Variants in CASP9 observed in about 807,000 individuals in gnomAD.
The protein encoded by CASP9 is caspase 9.
CASP9 carries 29 observed loss-of-function variants against 43.5 expected under a neutral mutation model. That is an observed-to-expected ratio of 0.67 (90% CI 0.50 to 0.91). CASP9 has a LOEUF of 0.91. CASP9 is among the 40% of genes least tolerant of loss of function. The pLI, the probability that CASP9 is intolerant of heterozygous loss-of-function variation, is 0.00. For synonymous variants in CASP9, 206 were observed against 211.9 expected, an observed-to-expected ratio of 0.97 and a Z score of 0.24; for missense variants, 575 against 537.4, an observed-to-expected ratio of 1.07 and a Z score of -0.69.
Position 15,504,727 on chromosome 1 carries a change from T to C in CASP9, c.752A>G (p.Tyr251Cys), listed in dbSNP as rs552167727. 100 of 1,614,102 alleles carry C rather than the reference T, an allele frequency of 6.2e-5. No homozygotes were observed. Among genetic ancestry groups the C allele is most frequent in the South Asian group, 2.7e-4 (25 of 91,074 alleles). The change falls in exon 6 of 9, where the codon TAC becomes TGC. Residue 251 changes from tyrosine to cysteine, a missense_variant. Transcript: ENST00000333868. ...CGACACAGGGCATCCATCTGTGCCG[T>C]AGACAGCCCCTGGGAACTGCAGGTG... is the stretch of plus-strand genomic sequence containing the variant. ...ASHLQFPGAV[Y>C]GTDGCPVSVE...
At chr1:15,504,388 A>G (rs1426664954) in intron 6 of CASP9, among the ~76,000 whole-genome samples, 1 of 152,246 alleles carries the variant, frequency 6.6e-6, no homozygotes. Flanking sequence ...TGAGCCCATG[A>G]TGCCACTGTG....
chr1:15,523,895 ACTG>A lies in CASP9; in HGVS notation c.132+171_132+173del, dbSNP rs1236802467. ...ACACAAGCACTAACAGTGTACGCTG[ACTG>A]AGTATGGCATGGAATCGCTTTAGCG... On this transcript the variant is annotated intron_variant, in intron 1 of 8. Transcript: ENST00000333868. 1.6e-3 allele frequency among the ~76,000 whole-genome samples: 132 copies of A among 81,512 alleles called. 1 individual carries two copies. In the East Asian group the frequency reaches 0.024, roughly 15 times the overall value. The allele number at this position is 81,512 out of a possible 152,430, so 53.5% of individuals were successfully genotyped here.
In CASP9 at chr1:15,518,268, G is replaced by A. The variant is rs535165327; in HGVS notation, c.260C>T (p.Ser87Leu). Residue 87 changes from serine (S) to leucine (L), a missense_variant, in exon 2 of 9, where the codon TCG (serine) becomes TTG (leucine). By Grantham distance (145) the Ser-to-Leu change is moderately radical. Transcript: ENST00000333868. ...LEDTGQDMLA[S>L]FLRTNRQAAK... The stretch of plus-strand genomic sequence containing the variant: ...TGCTTGCCTGTTAGTTCGCAGAAAC[G>A]AAGCCAGCATGTCCTGGCCTGTGTC... The A allele has an allele frequency of 7.4e-6, 12 of 1,614,212 alleles. No individual in the cohort carries two copies. The highest frequency in any genetic ancestry group is 2.2e-5 in the East Asian group (1 of 44,888).
intron 6 of CASP9, among the ~76,000 whole-genome samples, chr1:15,497,657 AAG>A (rs1553140099): frequency 0.012 from 1,841 of 150,664 alleles, 36 homozygotes; most frequent in African/African-American, 0.042. Flanking sequence ...AAAAAAAAAA[AAG>A]ATATAAATAA....
intron 6 of CASP9, among the ~76,000 whole-genome samples, chr1:15,502,850 A>G (rs967038486): frequency 1.3e-5 from 2 of 152,214 alleles, no homozygotes; most frequent in African/African-American, 4.8e-5. Flanking sequence ...AAGGAAGAGC[A>G]TTGCTGGACC....
intron 8 of CASP9, 56 bp downstream of exon 8, chr1:15,493,836 G>T: frequency 6.5e-7 from 1 of 1,549,596 alleles, no homozygotes. Context: ...GCCCCAGGAG[G>T]ACACGCTGCC....
intron 1 of CASP9, among the ~76,000 whole-genome samples, chr1:15,519,189 T>C (rs1249653935): frequency 6.6e-6 from 1 of 151,838 alleles, no homozygotes; most frequent in African/African-American, 2.4e-5. Context: ...GTTGTTTTTT[T>C]GTTTGTTTTT....
rs750511162 is a variant in CASP9 at position 15,504,676 on chromosome 1, T to C, written c.803A>G (p.Asn268Ser). 241 of 1,614,080 alleles carry C rather than the reference T, an allele frequency of 1.5e-4. No individual in the cohort carries two copies. Among genetic ancestry groups the C allele is most frequent in the Non-Finnish European group, 1.9e-4 (221 of 1,180,018 alleles). The change falls in exon 6 of 9, where the codon AAT becomes AGT. Residue 268 changes from asparagine to serine, a missense_variant. By Grantham distance (46) the Asn-to-Ser change is conservative. Transcript: ENST00000333868. ...VSVEKIVNIFNGTSCPSLGGK... is the reference protein window; with the variant it reads ...VSVEKIVNIFSGTSCPSLGGK... ...TCCCAGGCTGGGGCAGCTGGTCCCA[T>C]TGAAGATGTTCACAATCTTCTCGAC...
At chr1:15,513,755 G>C (rs1709853252) in intron 2 of CASP9, among the ~76,000 whole-genome samples, 1 of 152,196 alleles carries the variant, frequency 6.6e-6, no homozygotes, top group African/African-American at 2.4e-5. Context: ...GGACAAGAAA[G>C]AGAATGAGCC....
At chr1:15,509,088 C>G (rs1709635963) in intron 2 of CASP9, among the ~76,000 whole-genome samples, 1 of 152,216 alleles carries the variant, frequency 6.6e-6, no homozygotes, top group Non-Finnish European at 1.5e-5. Flanking sequence ...ACCATCTCCT[C>G]AGGCTCATCT....
upstream of CASP9, chr1:15,524,569 A>ATCCCCGCACGGACCTCACG: frequency 3.0e-6 from 1 of 333,224 alleles, no homozygotes; most frequent in Non-Finnish European, 3.8e-6. Flanking sequence ...CCCGCCCCGT[A>ATCCCCGCACGGACCTCACG]TCCCCGCACT....
chr1:15,509,886 C>T (rs1027270369), intron 2 of CASP9, among the ~76,000 whole-genome samples: 6 of 152,200 alleles, frequency 3.9e-5, no homozygotes, highest in Admixed American at 3.3e-4. Flanking sequence ...TTTTCATTTC[C>T]GTTAGCAAGA....
intron 5 of CASP9, among the ~76,000 whole-genome samples, chr1:15,505,661 A>G (rs1709489345): frequency 6.6e-6 from 1 of 152,100 alleles, no homozygotes; most frequent in Non-Finnish European, 1.5e-5. Context: ...AGTGCCTCAC[A>G]GGACAGAGAC....
intron 6 of CASP9, among the ~76,000 whole-genome samples, chr1:15,496,883 C>T (rs1231189705): frequency 6.6e-6 from 1 of 151,852 alleles, no homozygotes; most frequent in African/African-American, 2.4e-5. Flanking sequence ...GGTGTGGTGG[C>T]ATGTGCCTGT....
Position 15,504,787 on chromosome 1 carries a change from A to C in CASP9, c.721-29T>G, listed in dbSNP as rs779559874. On this transcript the variant is annotated intron_variant, in intron 5 of 8. Transcript: ENST00000333868. ...GAAGACCAAGAACCCTGGTTACAAA[A>C]CCAAGAAGTTGGAGTAGGAATCCAA... 3 of 1,596,758 alleles carry C rather than the reference A, an allele frequency of 1.9e-6. No homozygotes were observed. In the Admixed American group the frequency reaches 5.3e-5, roughly 28 times the overall value.
intron 1 of CASP9, 108 bp from the exon 2 acceptor site, chr1:15,518,503 G>A (rs1710048183): frequency 8.5e-7 from 1 of 1,177,686 alleles, no homozygotes; most frequent in East Asian, 2.5e-5. Context: ...CAGGCACGTG[G>A]GCAGCAATGG....
At chr1:15,522,587 T>C (rs1710248130) in intron 1 of CASP9, among the ~76,000 whole-genome samples, 1 of 152,178 alleles carries the variant, frequency 6.6e-6, no homozygotes, top group African/African-American at 2.4e-5. Context: ...TGGTGGCATG[T>C]GCCTAAAGTC....
intron 2 of CASP9, among the ~76,000 whole-genome samples, chr1:15,508,477 A>G (rs528036708): frequency 6.6e-6 from 1 of 151,896 alleles, no homozygotes; most frequent in Non-Finnish European, 1.5e-5. Context: ...CAATGGCACT[A>G]TCTTGGCTCA....
chr1:15,493,609 AC>A, intron 8 of CASP9: 1 of 1,436,628 alleles, frequency 7.0e-7, no homozygotes, highest in Non-Finnish European at 9.1e-7. Context: ...CTGCGCTGGC[AC>A]TGAGGACCAG....
Sources: gnomAD v4.1 joint callset for allele counts (sites outside exome capture counted in the v4.1 genomes callset) on GRCh38, gnomAD v4.1.1 for gene constraint, MANE v1.5 for transcripts, NCBI Gene and HGNC (gene_info 2026-07-23, HGNC 2026-07-21) for gene names.